ZYG11A: variants seen among roughly 807,000 people sequenced by gnomAD.
The protein encoded by ZYG11A is protein zyg-11 homolog A.
A neutral mutation model predicts 77.2 loss-of-function variants in ZYG11A; 62 were observed. That is an observed-to-expected ratio of 0.80 (90% CI 0.65 to 0.99). ZYG11A has a LOEUF of 0.99. Among genes scored for constraint, ZYG11A ranks in the 50% least tolerant of loss-of-function variants. The pLI, the probability that ZYG11A is intolerant of heterozygous loss-of-function variation, is 0.00. For missense variants in ZYG11A, 828 were observed against 896.8 expected (o/e 0.92, Z 0.98); for synonymous variants, 315 against 324.6 (o/e 0.97, Z 0.32).
chr1:52,845,745 G>C (rs1645561665), intron 1 of ZYG11A, among the ~76,000 whole-genome samples: 1 of 149,916 alleles, frequency 6.7e-6, no homozygotes, highest in African/African-American at 2.5e-5. Context: ...GTCTCACTCT[G>C]TTGCCCAGGT....
rs1458744311 is a variant in ZYG11A, at chr1:52,852,649, C to T, written c.91-1816C>T. On this transcript the variant is annotated intron_variant, in intron 1 of 13. Coordinates refer to ENST00000371528, the MANE Select transcript of ZYG11A (RefSeq NM_001004339.3). ...AAAATGCACGAATTAACAGCTACCA[C>T]GCTTGGCCAGCGTTTCTATTTTGTA... 3.9e-5 allele frequency among the ~76,000 whole-genome samples: 6 copies of T among 152,176 alleles called. No individual in the cohort carries two copies. The East Asian group carries it at 5.8e-4, about 15-fold the overall frequency.
intron 5 of ZYG11A, among the ~76,000 whole-genome samples, chr1:52,864,779 A>T (rs1041965748): frequency 6.7e-6 from 1 of 149,890 alleles, no homozygotes; most frequent in African/African-American, 2.5e-5. Context: ...CGAGTATCTT[A>T]GACTACAGGC....
chr1:52,859,771 G>A (rs139095559), intron 3 of ZYG11A, among the ~76,000 whole-genome samples: 161 of 140,816 alleles, frequency 1.1e-3, no homozygotes, highest in African/African-American at 3.9e-3. Context: ...TCTGCCTCCC[G>A]GGTTCAAGTG....
In ZYG11A at chr1:52,854,478, C is replaced by G. The variant is rs866748357; in HGVS notation, c.104C>G (p.Pro35Arg). The change falls in exon 2 of 14, where the codon CCC (proline) becomes CGC (arginine). Residue 35 changes from proline to arginine, a missense_variant. Coordinates refer to ENST00000371528, the MANE Select transcript of ZYG11A (RefSeq NM_001004339.3). ...GCCVVQEEAS[P>R]YTLVNICLNV... ...TTTGTTTGCTAGGAAGAGGCATCTC[C>G]CTACACTTTGGTCAACATCTGCCTG... 6.5e-7 allele frequency: 1 copy of G among 1,547,216 alleles called. No homozygotes were observed. Among genetic ancestry groups the G allele is most frequent in the Non-Finnish European group, 8.7e-7 (1 of 1,144,228 alleles).
At chr1:52,892,023 C>A (rs1240997292) in intron 13 of ZYG11A, among the ~76,000 whole-genome samples, 1 of 151,162 alleles carries the variant, frequency 6.6e-6, no homozygotes, top group South Asian at 2.1e-4. Flanking sequence ...CTCAGCCTCC[C>A]GAGTAGCTGG....
chr1:52,893,011 T>C lies in ZYG11A; in HGVS notation c.*54T>C. The C allele has an allele frequency of 1.4e-6, 2 of 1,464,498 alleles. No individual in the cohort carries two copies. The highest frequency in any genetic ancestry group is 1.3e-5 in the South Asian group (1 of 78,756). 90.7% of individuals were successfully genotyped at this position (1,464,498 alleles called of 1,614,324 possible). ...TTCCTCAATGTCAGGTGTTCTGCCCTGGCAGTAATTGCACATCAGTTGTCA... is the reference window on the plus strand; with the variant it reads ...TTCCTCAATGTCAGGTGTTCTGCCCCGGCAGTAATTGCACATCAGTTGTCA... On this transcript the variant is annotated 3_prime_UTR_variant, in exon 14 of 14. Transcript: ENST00000371528.
intron 5 of ZYG11A, among the ~76,000 whole-genome samples, chr1:52,864,940 C>T (rs570553477): frequency 7.2e-5 from 11 of 152,058 alleles, no homozygotes; most frequent in South Asian, 4.2e-4. Flanking sequence ...CGTGAGCCCC[C>T]GCGCCTGGCC....
chr1:52,854,372 C>A, intron 1 of ZYG11A, 93 bp from the exon 2 acceptor site: 1 of 1,167,520 alleles, frequency 8.6e-7, no homozygotes, highest in Non-Finnish European at 1.2e-6. Context: ...TTCAGATACT[C>A]TCATCAAGTG....
At chr1:52,849,643 C>T (rs76384364) in intron 1 of ZYG11A, among the ~76,000 whole-genome samples, 252 of 140,648 alleles carry the variant, frequency 1.8e-3, no homozygotes, top group African/African-American at 7.2e-3. Flanking sequence ...GCTGGGATTA[C>T]AGGCGTGAAC....
chr1:52,846,109 T>A (rs1164811798), intron 1 of ZYG11A, among the ~76,000 whole-genome samples: 1 of 151,616 alleles, frequency 6.6e-6, no homozygotes, highest in Non-Finnish European at 1.5e-5. Flanking sequence ...AGTAGTTCTC[T>A]CTTTCTCTCC....
In ZYG11A at chr1:52,887,054, G is replaced by A. The variant is rs778235055; in HGVS notation, c.2104+1G>A. ...ATGTATCATGTCTGCAGTAAAAATCGTATGTATTCAACATATATTCAAAAC... is the reference window on the plus strand; with the variant it reads ...ATGTATCATGTCTGCAGTAAAAATCATATGTATTCAACATATATTCAAAAC... On this transcript the variant is annotated splice_donor_variant, in intron 13 of 13. Coordinates refer to ENST00000371528, the MANE Select transcript of ZYG11A (RefSeq NM_001004339.3). LOFTEE classifies it high-confidence loss of function. 1.8e-5 allele frequency: 27 copies of A among 1,470,516 alleles called. No individual in the cohort carries two copies. Among genetic ancestry groups the A allele is most frequent in the South Asian group, 1.6e-4 (13 of 80,146 alleles). The allele number at this position is 1,470,516 out of a possible 1,614,324, so 91.1% of individuals were successfully genotyped here.
At position 52,885,842 on chromosome 1, in the gene ZYG11A, A is replaced by G. The variant is rs1646440171; in HGVS notation, c.1954A>G (p.Ile652Val). The change falls in exon 12 of 14, where the codon ATA becomes GTA. Residue 652 changes from isoleucine to valine, a missense_variant. By Grantham distance (29) the Ile-to-Val change is conservative. Transcript: ENST00000371528. ...RTLLQDLHAT[I>V]QNWPSSSCKM... ...CTTGTTTTTGGAGTAGCATGCAACC[A>G]TACAGAATTGGCCAAGTTCAAGTTG... 3.9e-6 allele frequency: 6 copies of G among 1,547,954 alleles called. No individual in the cohort carries two copies. Among genetic ancestry groups the G allele is most frequent in the Middle Eastern group, 1.7e-4 (1 of 6,002 alleles).
intron 1 of ZYG11A, among the ~76,000 whole-genome samples, chr1:52,851,044 T>A (rs545177655): frequency 1.2e-4 from 18 of 149,656 alleles, no homozygotes; most frequent in African/African-American, 4.1e-4. Context: ...AGACTTAAAA[T>A]TTTTTTTTTT....
intron 1 of ZYG11A, among the ~76,000 whole-genome samples, chr1:52,848,600 CTT>C (rs1645645461): frequency 6.6e-6 from 1 of 151,422 alleles, no homozygotes; most frequent in Non-Finnish European, 1.5e-5. Context: ...GCCTCCCACA[CTT>C]TGTATTTTTA....
intron 5 of ZYG11A, among the ~76,000 whole-genome samples, chr1:52,864,753 T>A (rs1470824906): frequency 6.6e-6 from 1 of 151,570 alleles, no homozygotes; most frequent in Non-Finnish European, 1.5e-5. Context: ...CGTGCCATTC[T>A]CCTACCTCAG....
At chr1:52,863,035 A>T (rs112303982) in intron 4 of ZYG11A, among the ~76,000 whole-genome samples, 2,215 of 152,150 alleles carry the variant, frequency 0.015, 64 homozygotes, top group African/African-American at 0.051. Flanking sequence ...TCATACCAGG[A>T]TTGTGTAGTT....
At chr1:52,888,911 T>C (rs1163312128) in intron 13 of ZYG11A, among the ~76,000 whole-genome samples, 2 of 152,198 alleles carry the variant, frequency 1.3e-5, no homozygotes. Context: ...CCATGAGTGG[T>C]TCTGACGTAT....
chr1:52,850,615 A>G (rs1558158902), intron 1 of ZYG11A, among the ~76,000 whole-genome samples: 1 of 151,182 alleles, frequency 6.6e-6, no homozygotes, highest in African/African-American at 2.4e-5. Flanking sequence ...ACCGCGCCCA[A>G]CTTCTAATTT....
At chr1:52,886,318 C>T (rs1299879105) in intron 12 of ZYG11A, among the ~76,000 whole-genome samples, 2 of 152,218 alleles carry the variant, frequency 1.3e-5, no homozygotes, top group East Asian at 1.9e-4. Flanking sequence ...AATCCTATTT[C>T]TCTGATATTG....
Sources: allele counts gnomAD v4.1 joint callset (sites outside exome capture counted in the v4.1 genomes callset), GRCh38; gene constraint gnomAD v4.1.1; transcripts MANE v1.5; gene names NCBI Gene and HGNC (gene_info 2026-07-23, HGNC 2026-07-21).